NBEA: variants seen among roughly 807,000 people sequenced by gnomAD.
NBEA encodes the protein neurobeachin.
NBEA carries 44 observed loss-of-function variants against 343.4 expected under a neutral mutation model. The observed-to-expected ratio is 0.13, with a 90% CI of 0.10 to 0.16. NBEA has a LOEUF of 0.16. Ranked by LOEUF, NBEA falls within the 10% of genes least tolerant of loss-of-function variation. The pLI is 1.00. For synonymous variants in NBEA, 1,175 were observed against 1,238.7 expected (o/e 0.95, Z 1.08); for missense variants, 2,555 against 3,631.3 (o/e 0.70, Z 7.62).
chr13:35,262,372 A>G (rs1028084018), intron 34 of NBEA, among the ~76,000 whole-genome samples: 3 of 152,238 alleles, frequency 2.0e-5, no homozygotes, highest in Non-Finnish European at 4.4e-5. Context: ...ACAAAAACCT[A>G]TAAATCAATG....
chr13:35,453,978 C>T (rs908841259), intron 40 of NBEA, among the ~76,000 whole-genome samples: 3 of 152,076 alleles, frequency 2.0e-5, no homozygotes, highest in Non-Finnish European at 4.4e-5. Context: ...AATCAAGACT[C>T]CTCTAATTTC....
At chr13:35,222,850 C>T (rs530976202) in intron 33 of NBEA, among the ~76,000 whole-genome samples, 66 of 152,196 alleles carry the variant, frequency 4.3e-4, no homozygotes, top group Non-Finnish European at 7.1e-4. Flanking sequence ...AACAGTAGGC[C>T]GGGCATGGTG....
At chr13:35,347,400 A>T (rs2039942731) in intron 36 of NBEA, among the ~76,000 whole-genome samples, 1 of 152,222 alleles carries the variant, frequency 6.6e-6, no homozygotes, top group Non-Finnish European at 1.5e-5. Context: ...CCCCGGAAAG[A>T]AAAACTGGAC....
At chr13:35,225,634 G>A (rs2074610752) in intron 33 of NBEA, among the ~76,000 whole-genome samples, 2 of 152,102 alleles carry the variant, frequency 1.3e-5, no homozygotes, top group Non-Finnish European at 2.9e-5. Flanking sequence ...AGCTCTGGGG[G>A]TTTTATTCTC....
chr13:35,343,463 T>A (rs2039700381), intron 36 of NBEA, among the ~76,000 whole-genome samples: 1 of 152,100 alleles, frequency 6.6e-6, no homozygotes, highest in South Asian at 2.1e-4. Flanking sequence ...CAAGCAAACA[T>A]GTAACCTGTG....
chr13:35,109,458 T>C lies in NBEA; in HGVS notation c.1833+16T>C. On this transcript the variant is annotated intron_variant, in intron 12 of 58. Coordinates refer to ENST00000379939, the MANE Select transcript of NBEA (RefSeq NM_001385012.1). The stretch of plus-strand genomic sequence containing the variant: ...ACCTGCAAAGGTATGAATTTTATAC[T>C]TATTCAGTTTGATTTAGTGTAATGT... 6.3e-7 allele frequency: 1 copy of C among 1,576,810 alleles called. No homozygotes were observed. The highest frequency in any genetic ancestry group is 8.6e-7 in the Non-Finnish European group (1 of 1,163,552).
intron 10 of NBEA, among the ~76,000 whole-genome samples, chr13:35,072,752 AG>A (rs1489459381): frequency 6.6e-6 from 1 of 151,882 alleles, no homozygotes; most frequent in Non-Finnish European, 1.5e-5. Flanking sequence ...TAGTAGACAC[AG>A]GGTTCCACCA....
At chr13:35,026,151 A>G (rs1026666778) in intron 1 of NBEA, among the ~76,000 whole-genome samples, 75 of 152,186 alleles carry the variant, frequency 4.9e-4, no homozygotes, top group African/African-American at 1.8e-3. Context: ...TTTCATAAGC[A>G]TCTGGCATTT....
chr13:35,239,580 A>C (rs2029875876), intron 34 of NBEA, among the ~76,000 whole-genome samples: 1 of 152,128 alleles, frequency 6.6e-6, no homozygotes, highest in African/African-American at 2.4e-5. Flanking sequence ...CCAGATATAA[A>C]ATAGGAGAGT....
intron 39 of NBEA, among the ~76,000 whole-genome samples, chr13:35,441,459 T>A (rs2045732974): frequency 6.6e-6 from 1 of 152,202 alleles, no homozygotes; most frequent in African/African-American, 2.4e-5. Flanking sequence ...ATATAAATGC[T>A]AACTTGCATG....
rs536122987 is a variant in NBEA, at chr13:35,360,599, A to G, written c.6179+8276A>G. ...AAAAGCACCTTTATTATCATCTTCC[A>G]TGAAGTAAAGGTAAATACTTTTTAA... On this transcript the variant is annotated intron_variant, in intron 38 of 58. Transcript: ENST00000379939. Among the ~76,000 whole-genome samples the G allele has an allele frequency of 6.8e-4, 104 of 152,174 alleles. 1 individual carries two copies. The highest frequency in any genetic ancestry group is 2.5e-3 in the African/African-American group (103 of 41,562).
intron 1 of NBEA, among the ~76,000 whole-genome samples, chr13:34,969,201 G>A (rs2152497590): frequency 6.6e-6 from 1 of 151,792 alleles, no homozygotes; most frequent in African/African-American, 2.4e-5. Context: ...TGACTTAATG[G>A]GCCTGTGACT....
intron 43 of NBEA, among the ~76,000 whole-genome samples, chr13:35,553,736 C>G (rs2079453605): frequency 6.6e-6 from 1 of 152,060 alleles, no homozygotes; most frequent in Non-Finnish European, 1.5e-5. Context: ...CTGTTGTTCC[C>G]AAACTAAACA....
chr13:35,422,407 T>C (rs1443667341), intron 38 of NBEA, among the ~76,000 whole-genome samples: 1 of 151,622 alleles, frequency 6.6e-6, no homozygotes, highest in Non-Finnish European at 1.5e-5. Flanking sequence ...TGTTTGGTTT[T>C]TTGTCCTTGC....
intron 38 of NBEA, among the ~76,000 whole-genome samples, chr13:35,422,449 T>G (rs1313174325): frequency 6.6e-6 from 1 of 152,118 alleles, no homozygotes; most frequent in Non-Finnish European, 1.5e-5. Flanking sequence ...GTTTCCAGTT[T>G]CATCCATGTC....
chr13:35,267,467 C>G (rs965292291), intron 34 of NBEA, among the ~76,000 whole-genome samples: 9 of 151,700 alleles, frequency 5.9e-5, no homozygotes, highest in African/African-American at 1.9e-4. Flanking sequence ...GGATATGACA[C>G]CAATGGCACA....
chr13:35,210,740 CT>C (rs2073716002), intron 32 of NBEA, among the ~76,000 whole-genome samples: 1 of 152,034 alleles, frequency 6.6e-6, no homozygotes, highest in African/African-American at 2.4e-5. Flanking sequence ...TTTTTCACCC[CT>C]AAGTTTGCAT....
intron 35 of NBEA, among the ~76,000 whole-genome samples, chr13:35,301,277 C>T (rs189528918): frequency 1.4e-3 from 210 of 151,770 alleles, no homozygotes; most frequent in Non-Finnish European, 2.2e-3. Flanking sequence ...ACCTGTCAAC[C>T]CGTCATCTAG....
At chr13:35,198,966 T>C (rs1002922853) in intron 31 of NBEA, among the ~76,000 whole-genome samples, 3 of 152,112 alleles carry the variant, frequency 2.0e-5, no homozygotes, top group Non-Finnish European at 4.4e-5. Context: ...TTTCATGCTT[T>C]AATGTCATCA....
Sources: gnomAD v4.1 joint callset for allele counts (sites outside exome capture counted in the v4.1 genomes callset) on GRCh38, gnomAD v4.1.1 for gene constraint, MANE v1.5 for transcripts, NCBI Gene and HGNC (gene_info 2026-07-23, HGNC 2026-07-21) for gene names.